NACC2: variants seen among roughly 807,000 people sequenced by gnomAD.
The protein encoded by NACC2 is nucleus accumbens-associated protein 2.
NACC2 carries 8 observed loss-of-function variants against 25.1 expected under a neutral mutation model. The ratio of observed to expected loss-of-function variants is 0.32; its 90% CI spans 0.19 to 0.57. The LOEUF (loss-of-function observed/expected upper bound fraction) is 0.57, where lower values mean the gene tolerates loss of function less well. NACC2 is among the 20% of genes least tolerant of loss of function. NACC2 has a pLI of 0.89. For synonymous variants in NACC2, 435 were observed against 294.7 expected (o/e 1.48, Z -4.88); for missense variants, 644 against 650.2 (o/e 0.99, Z 0.10).
chr9:136,051,309 C>T (rs2131163646), intron 1 of NACC2, among the ~76,000 whole-genome samples: 1 of 152,318 alleles, frequency 6.6e-6, no homozygotes, highest in African/African-American at 2.4e-5. Context: ...TCCCAAGCCG[C>T]CGCCAGGGCA....
intron 2 of NACC2, among the ~76,000 whole-genome samples, chr9:136,027,977 C>A (rs962928672): frequency 6.6e-6 from 1 of 152,084 alleles, no homozygotes; most frequent in African/African-American, 2.4e-5. Flanking sequence ...AAATTAACAT[C>A]GGCCTGGCAC....
chr9:136,029,095 G>A (rs1334701647), intron 2 of NACC2, among the ~76,000 whole-genome samples: 1 of 152,218 alleles, frequency 6.6e-6, no homozygotes, highest in Non-Finnish European at 1.5e-5. Flanking sequence ...GCCAGGAATG[G>A]CCTGAAGCCC....
rs1205197990 is a variant in NACC2 at position 136,063,874 on chromosome 9, AC to A, written c.-59-13295del. Among the ~76,000 whole-genome samples, 3 of 135,290 alleles carry A rather than the reference AC, an allele frequency of 2.2e-5. No individual in the cohort carries two copies. In the Admixed American group the frequency reaches 2.3e-4, roughly 11 times the overall value. The allele number at this position is 135,290 out of a possible 152,430, so 88.8% of individuals were successfully genotyped here. ...ACCCCAGCCTGGGAAACAGAGCGAGACTCCATCTCAAAAAAAAAAAAAACAA... is the reference window on the plus strand; with the variant it reads ...ACCCCAGCCTGGGAAACAGAGCGAGATCCATCTCAAAAAAAAAAAAAACAA... On this transcript the variant is annotated intron_variant, in intron 1 of 5. Coordinates refer to ENST00000277554, the MANE Select transcript of NACC2 (RefSeq NM_144653.5).
At chr9:136,092,677 T>C (rs1343320704) in intron 1 of NACC2, among the ~76,000 whole-genome samples, 2 of 152,144 alleles carry the variant, frequency 1.3e-5, no homozygotes, top group Non-Finnish European at 2.9e-5. Flanking sequence ...AAGGTGAAGG[T>C]GGACTGGGCC....
intron 1 of NACC2, among the ~76,000 whole-genome samples, chr9:136,074,431 C>A: frequency 7.6e-6 from 1 of 131,532 alleles, no homozygotes; most frequent in East Asian, 2.2e-4. Context: ...CCAGCCCGGG[C>A]GACAGAGCAA....
At position 136,009,517 on chromosome 9, in the gene NACC2, T is replaced by A. The variant is rs559394262; in HGVS notation, c.*1999A>T. ...TAGCGTCCACAGTGCCTGCCCATGG[T>A]CCCCCACCTCCTTCTGGAAAGCAAC... On this transcript the variant is annotated 3_prime_UTR_variant, in exon 6 of 6. Coordinates refer to ENST00000277554, the MANE Select transcript of NACC2 (RefSeq NM_144653.5). The A allele has an allele frequency of 6.6e-6, 1 of 152,132 alleles. No individual in the cohort carries two copies. Among genetic ancestry groups the A allele is most frequent in the Admixed American group, 6.5e-5 (1 of 15,268 alleles). 9.4% of individuals were successfully genotyped at this position (152,132 alleles called of 1,614,324 possible). A position where few individuals can be genotyped will look rare whatever the true frequency, so the allele number is the denominator to read the frequency against.
chr9:136,040,509 AG>A (rs1433478022), intron 2 of NACC2, among the ~76,000 whole-genome samples: 1 of 152,246 alleles, frequency 6.6e-6, no homozygotes, highest in Non-Finnish European at 1.5e-5. Context: ...CTAGGTATGT[AG>A]GCAAACATGC....
At chr9:136,067,020 G>A (rs182508552) in intron 1 of NACC2, among the ~76,000 whole-genome samples, 117 of 152,176 alleles carry the variant, frequency 7.7e-4, no homozygotes, top group African/African-American at 2.2e-3. Context: ...GGAGGTCAAG[G>A]CAGGCGGATC....
intron 1 of NACC2, among the ~76,000 whole-genome samples, chr9:136,074,686 C>T (rs1276422400): frequency 6.6e-6 from 1 of 151,936 alleles, no homozygotes; most frequent in African/African-American, 2.4e-5. Context: ...GACCGTGCCT[C>T]CACCAAGTCA....
intron 1 of NACC2, among the ~76,000 whole-genome samples, chr9:136,072,606 C>T (rs1224732085): frequency 5.9e-5 from 9 of 152,160 alleles, no homozygotes; most frequent in Admixed American, 3.9e-4. Context: ...AATCCCAGCA[C>T]TTTGGGATGC....
intron 2 of NACC2, among the ~76,000 whole-genome samples, chr9:136,028,228 A>C (rs1035194920): frequency 1.3e-5 from 2 of 151,894 alleles, no homozygotes; most frequent in Admixed American, 1.3e-4. Context: ...AAAAAAAAAA[A>C]ATTGACACCA....
At chr9:136,048,623 G>A (rs1840765081) in intron 2 of NACC2, among the ~76,000 whole-genome samples, 1 of 152,262 alleles carries the variant, frequency 6.6e-6, no homozygotes, top group Non-Finnish European at 1.5e-5. Flanking sequence ...CTGCTGGCAA[G>A]GCAGTGGCTT....
In NACC2 at chr9:136,093,815, G is replaced by A. The variant is rs1381447942; in HGVS notation, c.-60+1374C>T. Among the ~76,000 whole-genome samples, 5 of 152,234 alleles carry A rather than the reference G, an allele frequency of 3.3e-5. No individual in the cohort carries two copies. The East Asian group carries it at 7.7e-4, about 24-fold the overall frequency. On this transcript the variant is annotated intron_variant, in intron 1 of 5. Transcript: ENST00000277554. ...GAGAAGAAGGGGTGGGTGGCTGAGAGGTGGCGGGTGGGGCGGGGGCTGCCT... is the reference window on the plus strand; with the variant it reads ...GAGAAGAAGGGGTGGGTGGCTGAGAAGTGGCGGGTGGGGCGGGGGCTGCCT...
Position 136,068,167 on chromosome 9 carries a change from G to A in NACC2, c.-59-17587C>T, listed in dbSNP as rs139987488. 1.7e-4 allele frequency among the ~76,000 whole-genome samples: 26 copies of A among 152,242 alleles called. 1 individual carries two copies. The East Asian group carries it at 2.3e-3, about 14-fold the overall frequency. On this transcript the variant is annotated intron_variant, in intron 1 of 5. Coordinates refer to ENST00000277554, the MANE Select transcript of NACC2 (RefSeq NM_144653.5). ...TGCTACTAAAGACTGTATAAACACC[G>A]AACATTTAGGCTACACTACATTTAT... is the stretch of plus-strand genomic sequence containing the variant.
chr9:136,070,462 G>A (rs1284581550), intron 1 of NACC2, among the ~76,000 whole-genome samples: 7 of 151,838 alleles, frequency 4.6e-5, no homozygotes, highest in East Asian at 1.9e-4. Context: ...AGCCGAGATC[G>A]CGCCACTGCA....
At chr9:136,057,532 A>G (rs1171336494) in intron 1 of NACC2, among the ~76,000 whole-genome samples, 1 of 152,236 alleles carries the variant, frequency 6.6e-6, no homozygotes, top group African/African-American at 2.4e-5. Context: ...GTGTTTCGAA[A>G]AGAGCCGACA....
At position 136,086,110 on chromosome 9, in the gene NACC2, T is replaced by G. The variant is rs1830376590; in HGVS notation, c.-60+9079A>C. Among the ~76,000 whole-genome samples the G allele has an allele frequency of 6.6e-6, 1 of 152,212 alleles. No homozygotes were observed. Among genetic ancestry groups the G allele is most frequent in the Admixed American group, 6.5e-5 (1 of 15,294 alleles). On this transcript the variant is annotated intron_variant, in intron 1 of 5. Coordinates refer to ENST00000277554, the MANE Select transcript of NACC2 (RefSeq NM_144653.5). The surrounding 1 kb of genome is among the most constrained non-coding windows in gnomAD (Gnocchi z 5.6). ...CGCCTCCAGGCCCTTCACCTCGGGC[T>G]GGAGAAAACCAAGTCACCCCTGGGG... is the stretch of plus-strand genomic sequence containing the variant.
rs374503830 is a variant in NACC2, at chr9:136,016,405, G to C, written c.911C>G (p.Pro304Arg). Reference sequence around the variant, plus strand: ...GAGGACGCAGGAGCGGCTCTCCAGCGGCACTGGCTCAGGCTTCTCTTGCAC... The same window carrying C: ...GAGGACGCAGGAGCGGCTCTCCAGCCGCACTGGCTCAGGCTTCTCTTGCAC... ...YAVQEKPEPV[P>R]LESRSCVLIR... The change falls in exon 3 of 6, where the codon CCG becomes CGG. Residue 304 changes from proline (P) to arginine (R), a missense_variant. Transcript: ENST00000277554. 3 of 1,610,950 alleles carry C rather than the reference G, an allele frequency of 1.9e-6. No individual in the cohort carries two copies. The highest frequency in any genetic ancestry group is 2.5e-6 in the Non-Finnish European group (3 of 1,179,750).
intron 2 of NACC2, among the ~76,000 whole-genome samples, chr9:136,035,318 C>A (rs1418327618): frequency 2.0e-5 from 3 of 151,846 alleles, no homozygotes; most frequent in African/African-American, 7.3e-5. Flanking sequence ...AGTGGTGTCA[C>A]GTGACTCCTG....
Sources: allele counts gnomAD v4.1 joint callset (sites outside exome capture counted in the v4.1 genomes callset), GRCh38; gene constraint gnomAD v4.1.1; non-coding constraint Gnocchi (gnomAD v3.1); transcripts MANE v1.5; gene names NCBI Gene and HGNC (gene_info 2026-07-23, HGNC 2026-07-21).